The following KLRG2 variants were observed in gnomAD, a reference collection of about 807,000 sequenced individuals.
KLRG2 encodes the protein killer cell lectin-like receptor subfamily G member 2.
In KLRG2, 39 loss-of-function variants were observed where a neutral mutation model predicts 35.4. That is an observed-to-expected ratio of 1.10 (90% CI 0.85 to 1.44). The LOEUF is 1.44. KLRG2 is among the 40% of genes most tolerant of loss of function. The pLI is 0.00. For synonymous variants in KLRG2, 283 were observed against 265.8 expected (o/e 1.06, Z -0.63); for missense variants, 632 against 570.9 (o/e 1.11, Z -1.09).
chr7:139,459,579 C>A (rs565846895), intron 3 of KLRG2, among the ~76,000 whole-genome samples: 1 of 152,182 alleles, frequency 6.6e-6, no homozygotes, highest in Admixed American at 6.6e-5. Flanking sequence ...ACCTCAGGGC[C>A]CAGCCCAGGC....
At chr7:139,429,214 G>A in the KLRG2 span, among the ~76,000 whole-genome samples, 31 of 152,140 alleles carry the variant, frequency 2.0e-4, no homozygotes, top group Non-Finnish European at 3.7e-4. Context: ...GCTGAGGCAC[G>A]AGAATTGCTT....
At chr7:139,430,345 T>C in the KLRG2 span, among the ~76,000 whole-genome samples, 2 of 151,710 alleles carry the variant, frequency 1.3e-5, no homozygotes, top group Admixed American at 1.3e-4. Flanking sequence ...GAGGTTGTGG[T>C]GAGCCGAGAT....
intron 1 of KLRG2, among the ~76,000 whole-genome samples, chr7:139,481,274 T>A (rs1398553141): frequency 6.6e-6 from 1 of 152,218 alleles, no homozygotes; most frequent in Non-Finnish European, 1.5e-5. Context: ...GACTTCTGAC[T>A]TAACGGAACT....
intron 3 of KLRG2, among the ~76,000 whole-genome samples, chr7:139,475,680 C>T (rs755624727): frequency 1.2e-4 from 18 of 152,132 alleles, no homozygotes; most frequent in Non-Finnish European, 2.1e-4. Context: ...ATTTAAAATA[C>T]CCTTTGTAAC....
At chr7:139,447,490 A>C in the KLRG2 span, among the ~76,000 whole-genome samples, 12 of 148,368 alleles carry the variant, frequency 8.1e-5, no homozygotes, top group African/African-American at 3.0e-4. Flanking sequence ...AGCTTTCACC[A>C]CCTGGGTTTC....
downstream of KLRG2, among the ~76,000 whole-genome samples, chr7:139,450,045 G>T (rs1796352579): frequency 6.8e-6 from 1 of 147,728 alleles, no homozygotes; most frequent in Non-Finnish European, 1.5e-5. Flanking sequence ...AATTTTTTTT[G>T]TTTGTTTTTG....
the KLRG2 span, among the ~76,000 whole-genome samples, chr7:139,436,453 A>G: frequency 6.6e-6 from 1 of 152,194 alleles, no homozygotes; most frequent in South Asian, 2.1e-4. Context: ...CCTGTTTAAA[A>G]CAATCCCAGT....
chr7:139,431,143 G>A, the KLRG2 span, among the ~76,000 whole-genome samples: 16,388 of 151,978 alleles, frequency 0.11, 2,473 homozygotes, highest in African/African-American at 0.34. Flanking sequence ...AAAGGAATGA[G>A]ACACAAAAGA....
At chr7:139,478,643 C>T (rs1232759536) in intron 3 of KLRG2, among the ~76,000 whole-genome samples, 2 of 152,158 alleles carry the variant, frequency 1.3e-5, no homozygotes. Context: ...GCACTCCAGC[C>T]TGGGCAACAG....
intron 3 of KLRG2, among the ~76,000 whole-genome samples, chr7:139,472,363 C>A (rs904063991): frequency 1.9e-4 from 29 of 151,950 alleles, no homozygotes; most frequent in African/African-American, 7.0e-4. Context: ...GCATAGAAAG[C>A]CTTCAATGAT....
intron 3 of KLRG2, among the ~76,000 whole-genome samples, chr7:139,464,817 A>G (rs1470670418): frequency 1.3e-5 from 2 of 152,238 alleles, no homozygotes; most frequent in Non-Finnish European, 2.9e-5. Context: ...CCTCAAAATC[A>G]CAAACTATGC....
chr7:139,467,543 G>A (rs56924329), intron 3 of KLRG2, among the ~76,000 whole-genome samples: 1 of 152,014 alleles, frequency 6.6e-6, no homozygotes, highest in Non-Finnish European at 1.5e-5. Context: ...TACCCCCAAC[G>A]CCGTGCTCTC....
chr7:139,459,663 T>A (rs1374525712), intron 3 of KLRG2, among the ~76,000 whole-genome samples: 1 of 152,218 alleles, frequency 6.6e-6, no homozygotes, highest in Non-Finnish European at 1.5e-5. Flanking sequence ...TATTCCCCCA[T>A]TCACAGCATA....
intron 3 of KLRG2, among the ~76,000 whole-genome samples, chr7:139,461,015 A>C (rs928437260): frequency 1.3e-5 from 2 of 151,932 alleles, no homozygotes; most frequent in Non-Finnish European, 2.9e-5. Context: ...TAATCCCAGC[A>C]CTTTGGGAGG....
At chr7:139,445,964 T>A in the KLRG2 span, among the ~76,000 whole-genome samples, 1 of 151,122 alleles carries the variant, frequency 6.6e-6, no homozygotes, top group East Asian at 1.9e-4. Context: ...CCCGAGTAGC[T>A]GGGATTGCAG....
chr7:139,466,182 C>A (rs1345624136), intron 3 of KLRG2, among the ~76,000 whole-genome samples: 2 of 152,196 alleles, frequency 1.3e-5, no homozygotes, highest in Admixed American at 6.5e-5. Context: ...TTGCCCCCTG[C>A]CCAGGACTGG....
At chr7:139,453,779 C>G in intron 4 of KLRG2, 72 bp from the exon 5 acceptor site, 1 of 1,574,366 alleles carries the variant, frequency 6.4e-7, no homozygotes, top group Non-Finnish European at 8.7e-7. Flanking sequence ...GCCAGACCCT[C>G]CAGCGTGTGT....
At chr7:139,462,515 C>A (rs1796585656) in intron 3 of KLRG2, among the ~76,000 whole-genome samples, 1 of 152,110 alleles carries the variant, frequency 6.6e-6, no homozygotes, top group Non-Finnish European at 1.5e-5. Context: ...AAACTTCCAC[C>A]CTCCATTCCT....
At chr7:139,442,148 G>T in the KLRG2 span, among the ~76,000 whole-genome samples, 15 of 152,208 alleles carry the variant, frequency 9.9e-5, no homozygotes. Context: ...CTCAGGTAGG[G>T]ACTTGCCCAG....
Sources: allele counts gnomAD v4.1 joint callset (sites outside exome capture counted in the v4.1 genomes callset), GRCh38; gene constraint gnomAD v4.1.1; transcripts MANE v1.5; gene names NCBI Gene and HGNC (gene_info 2026-07-23, HGNC 2026-07-21).